Variants in WNT7B observed in about 807,000 individuals in gnomAD.
The protein encoded by WNT7B is protein Wnt-7b.
In WNT7B, 19 loss-of-function variants were observed where a neutral mutation model predicts 38.2. The ratio of observed to expected loss-of-function variants is 0.50; its 90% CI spans 0.35 to 0.73. The LOEUF (loss-of-function observed/expected upper bound fraction) is 0.73, where lower values mean the gene tolerates loss of function less well. WNT7B is among the 30% of genes least tolerant of loss of function. The pLI, the probability that WNT7B is intolerant of heterozygous loss-of-function variation, is 0.01. For synonymous variants in WNT7B, 243 were observed against 209.3 expected (o/e 1.16, Z -1.39); for missense variants, 423 against 507.9 (o/e 0.83, Z 1.61).
chr22:45,970,478 T>C (rs550060138), intron 1 of WNT7B, among the ~76,000 whole-genome samples: 67 of 151,924 alleles, frequency 4.4e-4, no homozygotes, highest in African/African-American at 1.6e-3. Flanking sequence ...TGGCATCAAC[T>C]CCCACCAGGC....
intron 2 of WNT7B, among the ~76,000 whole-genome samples, chr22:45,937,456 A>G (rs1019301809): frequency 2.6e-5 from 4 of 152,230 alleles, no homozygotes; most frequent in Non-Finnish European, 4.4e-5. Context: ...AAGGGCACAC[A>G]CAGTCCTGGG....
chr22:45,929,104 A>T (rs1931199326), intron 3 of WNT7B, among the ~76,000 whole-genome samples: 1 of 152,146 alleles, frequency 6.6e-6, no homozygotes, highest in Admixed American at 6.5e-5. Flanking sequence ...TCAGAACCTA[A>T]GCAGCTGCAG....
chr22:45,960,926 G>A (rs943100804), intron 1 of WNT7B, among the ~76,000 whole-genome samples: 11 of 152,320 alleles, frequency 7.2e-5, no homozygotes, highest in African/African-American at 2.6e-4. Context: ...GGCTGGTGGT[G>A]GCCTCAGTGT....
rs912315393 is a variant in WNT7B, at chr22:45,977,048, G to A, written c.-294C>T. 3.6e-5 allele frequency: 35 copies of A among 982,890 alleles called. No homozygotes were observed. The highest frequency in any genetic ancestry group is 4.2e-5 in the Non-Finnish European group (35 of 828,170). 60.9% of individuals were successfully genotyped at this position (982,890 alleles called of 1,614,324 possible). ...GCAAGCGCGGGCCGGGGGCCCGGGC[G>A]CGGCTGGCGGGCGGGTGCAGCCTGC... On this transcript the variant is annotated 5_prime_UTR_variant, in exon 1 of 4. Coordinates refer to ENST00000339464, the MANE Select transcript of WNT7B (RefSeq NM_058238.3).
intron 3 of WNT7B, 81 bp from the exon 4 acceptor site, chr22:45,923,416 C>T: frequency 2.7e-6 from 4 of 1,508,898 alleles, no homozygotes; most frequent in Non-Finnish European, 1.8e-6. Flanking sequence ...GCCTCTAGCC[C>T]AGCCCTGGAG....
At position 45,957,260 on chromosome 22, in the gene WNT7B, ACT is replaced by A. The variant is rs1291885660; in HGVS notation, c.72-7116_72-7115del. ...TATGTAAAAATGCATCAAGGTGTCCACTTGAGATTTCTGTGCTTTACATAAGT... is the reference window on the plus strand; with the variant it reads ...TATGTAAAAATGCATCAAGGTGTCCATGAGATTTCTGTGCTTTACATAAGT... On this transcript the variant is annotated intron_variant, in intron 1 of 3. Transcript: ENST00000339464. Among the ~76,000 whole-genome samples the A allele has an allele frequency of 5.9e-5, 9 of 152,036 alleles. No homozygotes were observed. In the East Asian group the frequency reaches 1.4e-3, roughly 23 times the overall value.
At chr22:45,952,841 C>T (rs1281747252) in intron 1 of WNT7B, among the ~76,000 whole-genome samples, 1 of 152,240 alleles carries the variant, frequency 6.6e-6, no homozygotes, top group African/African-American at 2.4e-5. Context: ...AAAGCCCATC[C>T]ATAGCTCTCC....
At chr22:45,929,896 TCATCTATCTACCCATC>T (rs1208379055) in intron 3 of WNT7B, among the ~76,000 whole-genome samples, 3 of 107,894 alleles carry the variant, frequency 2.8e-5, no homozygotes, top group Admixed American at 8.7e-5. Context: ...ACTCATCCAC[TCATCTATCTACCCATC>T]CATCTATCCT....
At chr22:45,952,073 T>C (rs1931946485) in intron 1 of WNT7B, among the ~76,000 whole-genome samples, 1 of 152,050 alleles carries the variant, frequency 6.6e-6, no homozygotes, top group African/African-American at 2.4e-5. Context: ...GCACAGCGCT[T>C]GGCTTCAAAA....
chr22:45,962,749 A>G (rs1385507736), intron 1 of WNT7B, among the ~76,000 whole-genome samples: 1 of 152,220 alleles, frequency 6.6e-6, no homozygotes, highest in African/African-American at 2.4e-5. Context: ...CCTAGCAAGG[A>G]TGGGAGTCCC....
At chr22:45,933,384 C>T (rs1931428675) in intron 2 of WNT7B, among the ~76,000 whole-genome samples, 1 of 152,212 alleles carries the variant, frequency 6.6e-6, no homozygotes, top group Admixed American at 6.5e-5. Flanking sequence ...CCGCTCCCTG[C>T]CTGGGCCAGG....
chr22:45,943,853 C>T (rs1220418962), intron 2 of WNT7B, among the ~76,000 whole-genome samples: 1 of 152,218 alleles, frequency 6.6e-6, no homozygotes, highest in Non-Finnish European at 1.5e-5. Flanking sequence ...TGAGTAATGG[C>T]TGAGGGCCGG....
chr22:45,946,285 C>T (rs868313113), intron 2 of WNT7B, among the ~76,000 whole-genome samples: 22 of 152,336 alleles, frequency 1.4e-4, no homozygotes, highest in South Asian at 1.2e-3. Context: ...GATGCTGTTC[C>T]GTCCACCTGG....
chr22:45,925,436 G>A (rs965209852), intron 3 of WNT7B: 27 of 985,162 alleles, frequency 2.7e-5, no homozygotes, highest in African/African-American at 3.5e-5. Context: ...GGAGGAGCCC[G>A]GGTGTCCTGA....
rs984642607 is a variant in WNT7B at position 45,965,942 on chromosome 22, T to C, written c.71+10742A>G. 6.6e-6 allele frequency among the ~76,000 whole-genome samples: 1 copy of C among 152,050 alleles called. No homozygotes were observed. The highest frequency in any genetic ancestry group is 1.5e-5 in the Non-Finnish European group (1 of 68,008). On this transcript the variant is annotated intron_variant, in intron 1 of 3. Coordinates refer to ENST00000339464, the MANE Select transcript of WNT7B (RefSeq NM_058238.3). The surrounding 1 kb of genome is among the most constrained non-coding windows in gnomAD (Gnocchi z 6.5). ...CGCCTTAGTAAAACACCGTGACAAGTGGCATGGACCCGACAGCCAGGAGTC... is the reference window on the plus strand; with the variant it reads ...CGCCTTAGTAAAACACCGTGACAAGCGGCATGGACCCGACAGCCAGGAGTC...
At chr22:45,954,102 T>C (rs937979052) in intron 1 of WNT7B, among the ~76,000 whole-genome samples, 4 of 152,186 alleles carry the variant, frequency 2.6e-5, no homozygotes, top group Non-Finnish European at 5.9e-5. Flanking sequence ...CACTGGGTCA[T>C]GCCACGGCAT....
chr22:45,926,908 C>T, intron 3 of WNT7B: 1 of 985,450 alleles, frequency 1.0e-6, no homozygotes, highest in Non-Finnish European at 1.2e-6. Context: ...GCCCACCCAG[C>T]AGGACGCTGT....
In WNT7B at chr22:45,975,445, C is replaced by G. The variant is rs1021754169; in HGVS notation, c.71+1239G>C. ...GGCTACCGGCAGCCGCAGACACGCC[C>G]GCCCAGACCTGCAGGGCTCAGGCTA... is the stretch of plus-strand genomic sequence containing the variant. On this transcript the variant is annotated intron_variant, in intron 1 of 3. Transcript: ENST00000339464. This position sits in a 1 kb window ranked among gnomAD's most constrained non-coding sequence, Gnocchi z 6.6. 9 of 665,958 alleles carry G rather than the reference C, an allele frequency of 1.4e-5. No individual in the cohort carries two copies. The highest frequency in any genetic ancestry group is 3.2e-5 in the South Asian group (2 of 62,012). 41.3% of individuals were successfully genotyped at this position (665,958 alleles called of 1,614,324 possible). A position where few individuals can be genotyped will look rare whatever the true frequency, so the allele number is the denominator to read the frequency against.
At chr22:45,927,075 C>T in intron 3 of WNT7B, 1 of 985,462 alleles carries the variant, frequency 1.0e-6, no homozygotes, top group Non-Finnish European at 1.2e-6. Context: ...GACAACAGCC[C>T]CCAGGCCTCT....
Sources: gnomAD v4.1 joint callset for allele counts (sites outside exome capture counted in the v4.1 genomes callset) on GRCh38, gnomAD v4.1.1 for gene constraint, Gnocchi (gnomAD v3.1) non-coding constraint, MANE v1.5 for transcripts, NCBI Gene and HGNC (gene_info 2026-07-23, HGNC 2026-07-21) for gene names.